SLCO3A1: variants seen among roughly 807,000 people sequenced by gnomAD.
SLCO3A1 encodes the protein solute carrier organic anion transporter family member 3A1.
Under a neutral mutation model 63.1 loss-of-function variants are expected in SLCO3A1, and 27 were observed. The ratio of observed to expected loss-of-function variants is 0.43; its 90% CI spans 0.32 to 0.59. The LOEUF (loss-of-function observed/expected upper bound fraction) is 0.59. Among genes scored for constraint, SLCO3A1 ranks in the 20% least tolerant of loss-of-function variants. SLCO3A1 has a pLI of 0.09. For synonymous variants in SLCO3A1, 473 were observed against 409.9 expected, an observed-to-expected ratio of 1.15 and a Z score of -1.86; for missense variants, 773 against 945.8, an observed-to-expected ratio of 0.82 and a Z score of 2.40.
intron 7 of SLCO3A1, among the ~76,000 whole-genome samples, chr15:92,135,709 C>T (rs968167270): frequency 2.0e-5 from 3 of 152,170 alleles, no homozygotes; most frequent in African/African-American, 4.8e-5. Flanking sequence ...AGTATGTTGC[C>T]ATTCAAAGGA....
Position 91,854,039 on chromosome 15 carries a change from T to G in SLCO3A1, c.131T>G (p.Val44Gly). The change falls in exon 1 of 10, where the codon GTG becomes GGG. Residue 44 changes from valine to glycine, a missense_variant. This residue lies in a region of SLCO3A1 where 69 missense variants were observed against 64.6 expected (regional missense o/e 1.07). Coordinates refer to ENST00000318445, the MANE Select transcript of SLCO3A1 (RefSeq NM_013272.4). The surrounding 1 kb of genome is among the most constrained non-coding windows in gnomAD (Gnocchi z 6.4). ...SCFSNIKIFL[V>G]SECALMLAQG... ...TTTTCCAACATCAAGATCTTCCTGG[T>G]GTCCGAGTGCGCCCTGATGCTGGCG... The G allele has an allele frequency of 6.5e-7, 1 of 1,544,008 alleles. No individual in the cohort carries two copies. The highest frequency in any genetic ancestry group is 8.7e-7 in the Non-Finnish European group (1 of 1,143,848).
chr15:92,061,735 C>A (rs1482292765), intron 2 of SLCO3A1, among the ~76,000 whole-genome samples: 1 of 152,178 alleles, frequency 6.6e-6, no homozygotes, highest in Non-Finnish European at 1.5e-5. Flanking sequence ...AGCATGCTAG[C>A]AAAACAGGCC....
chr15:92,080,395 T>G (rs909629980), intron 2 of SLCO3A1, among the ~76,000 whole-genome samples: 4 of 152,084 alleles, frequency 2.6e-5, no homozygotes, highest in Admixed American at 6.5e-5. Context: ...ATGGAGTTTT[T>G]TTTTTTTTTT....
chr15:91,964,244 T>C (rs1285529436), intron 2 of SLCO3A1, among the ~76,000 whole-genome samples: 3 of 152,200 alleles, frequency 2.0e-5, no homozygotes, highest in Admixed American at 6.5e-5. Flanking sequence ...ACAAGACTTC[T>C]GTGTGATTGC....
intron 2 of SLCO3A1, among the ~76,000 whole-genome samples, chr15:91,963,400 G>C (rs1328252083): frequency 3.1e-5 from 4 of 128,290 alleles, no homozygotes; most frequent in South Asian, 3.2e-4. Context: ...GGTTTAACTC[G>C]GGGAGGGTGG....
At chr15:92,157,253 A>G (rs144748996) in intron 9 of SLCO3A1, 15 of 152,302 alleles carry the variant, frequency 9.8e-5, no homozygotes, top group Non-Finnish European at 1.8e-4. Context: ...TAGGGAGAAG[A>G]CAAGATAAAA....
chr15:92,166,822 C>T (rs566675632), downstream of SLCO3A1, among the ~76,000 whole-genome samples: 3 of 152,286 alleles, frequency 2.0e-5, no homozygotes, highest in East Asian at 1.9e-4. Context: ...TCTGGGTCCC[C>T]GTGTGCCTGC....
intron 4 of SLCO3A1, among the ~76,000 whole-genome samples, chr15:92,116,293 A>G (rs937020073): frequency 2.6e-5 from 4 of 152,170 alleles, no homozygotes; most frequent in African/African-American, 9.7e-5. Flanking sequence ...AGGACCCATA[A>G]GTTTCCAAGA....
intron 7 of SLCO3A1, among the ~76,000 whole-genome samples, chr15:92,135,555 G>A (rs1038049452): frequency 2.0e-5 from 3 of 152,164 alleles, no homozygotes; most frequent in Non-Finnish European, 4.4e-5. Context: ...AGATCTGAGG[G>A]TTATGTCTGG....
intron 2 of SLCO3A1, among the ~76,000 whole-genome samples, chr15:91,971,162 G>A (rs375910972): frequency 3.9e-5 from 6 of 151,918 alleles, no homozygotes; most frequent in African/African-American, 7.3e-5. Context: ...TCGGGAGGCC[G>A]AGGCGGGCGG....
intron 8 of SLCO3A1, chr15:92,149,403 A>G (rs571760696): frequency 6.6e-6 from 1 of 152,294 alleles, no homozygotes; most frequent in Non-Finnish European, 1.5e-5. Context: ...TCAGGCTGGC[A>G]CAGGGGCACA....
At chr15:92,139,990 T>A (rs1390051864) in intron 7 of SLCO3A1, among the ~76,000 whole-genome samples, 9 of 143,376 alleles carry the variant, frequency 6.3e-5, no homozygotes, top group Non-Finnish European at 3.0e-5. Context: ...AGTTCTGCTC[T>A]GATTTTAGTT....
chr15:92,036,189 C>G (rs1235268148), intron 2 of SLCO3A1, among the ~76,000 whole-genome samples: 1 of 152,160 alleles, frequency 6.6e-6, no homozygotes, highest in African/African-American at 2.4e-5. Context: ...TTCATGAAAC[C>G]CAAAGTGGAT....
At chr15:92,065,870 T>C (rs1052576324) in intron 2 of SLCO3A1, among the ~76,000 whole-genome samples, 1 of 152,228 alleles carries the variant, frequency 6.6e-6, no homozygotes, top group African/African-American at 2.4e-5. Context: ...GTGCTGGTCC[T>C]GTTGAGCCCC....
Position 92,164,378 on chromosome 15 carries a change from A to C in SLCO3A1, c.*1243A>C. 1 of 985,402 alleles carries C rather than the reference A, an allele frequency of 1.0e-6. No individual in the cohort carries two copies. Among genetic ancestry groups the C allele is most frequent in the Non-Finnish European group, 1.2e-6 (1 of 829,882 alleles). The allele number at this position is 985,402 out of a possible 1,614,324, so 61.0% of individuals were successfully genotyped here. A position where few individuals can be genotyped will look rare whatever the true frequency, so the allele number is the denominator to read the frequency against. ...TGCCTTTAAAAGAATCACATTTGAG[A>C]CAACAGGGGATAATGTGATGAATTG... On this transcript the variant is annotated 3_prime_UTR_variant, in exon 10 of 10. Transcript: ENST00000318445.
At chr15:92,124,298 C>T (rs1177111987) in intron 5 of SLCO3A1, among the ~76,000 whole-genome samples, 3 of 152,156 alleles carry the variant, frequency 2.0e-5, no homozygotes, top group Non-Finnish European at 4.4e-5. Context: ...CTGATCACCG[C>T]CTGGAGTGTT....
chr15:92,162,590 C>G, intron 9 of SLCO3A1, 166 bp from the exon 10 acceptor site: 10 of 1,130,708 alleles, frequency 8.8e-6, no homozygotes, highest in African/African-American at 1.6e-5. Context: ...AATAAAAAGG[C>G]AGAACTGGGA....
intron 2 of SLCO3A1, among the ~76,000 whole-genome samples, chr15:91,993,700 A>G (rs2151446461): frequency 6.6e-6 from 1 of 152,328 alleles, no homozygotes; most frequent in Non-Finnish European, 1.5e-5. Context: ...CCTGGTGTGC[A>G]TACCCCTGTT....
intron 2 of SLCO3A1, among the ~76,000 whole-genome samples, chr15:92,002,449 A>T (rs937236840): frequency 8.5e-5 from 13 of 152,192 alleles, no homozygotes; most frequent in Admixed American, 8.5e-4. Context: ...CAAGTCCATA[A>T]GGCCCAGGTG....
Sources: allele counts gnomAD v4.1 joint callset (sites outside exome capture counted in the v4.1 genomes callset), GRCh38; gene constraint gnomAD v4.1.1; regional missense constraint gnomAD v4.1.1; non-coding constraint Gnocchi (gnomAD v3.1); transcripts MANE v1.5; gene names NCBI Gene and HGNC (gene_info 2026-07-23, HGNC 2026-07-21).